The following RFT1 variants were observed in gnomAD, a reference collection of about 807,000 sequenced individuals.
RFT1 encodes man(5)GlcNAc(2)-PP-dolichol translocation protein RFT1.
Under a neutral mutation model 62.2 loss-of-function variants are expected in RFT1, and 43 were observed. That is an observed-to-expected ratio of 0.69 (90% confidence interval 0.54 to 0.89). The LOEUF is 0.89. Among genes scored for constraint, RFT1 ranks in the 40% least tolerant of loss-of-function variants. The probability of loss-of-function intolerance (pLI) is 0.00; values close to 1 mark genes in which losing one functional copy is unlikely to be tolerated. For missense variants in RFT1, 605 were observed against 649.9 expected (o/e 0.93, Z 0.75); for synonymous variants, 262 against 264.6 (o/e 0.99, Z 0.10).
At chr3:53,078,959 G>T in the RFT1 span, among the ~76,000 whole-genome samples, 1 of 152,348 alleles carries the variant, frequency 6.6e-6, no homozygotes. Context: ...TGGAGAAAAG[G>T]CAAAGCTACC....
At chr3:53,092,665 ACAAGGC>A in intron 11 of RFT1, 47 bp from the exon 12 acceptor site, 1 of 762,708 alleles carries the variant, frequency 1.3e-6, no homozygotes, top group Non-Finnish European at 1.9e-6. Context: ...CTTGCCCTGG[ACAAGGC>A]TGCTCCCAAA....
rs567674354 is a variant in RFT1, at chr3:53,091,607, C to A, written c.*296G>T. ...CATGTAGCTCCAAAGGCCAATCATA[C>A]GCAAAAGGAATGAGTATATTAGTAA... On this transcript the variant is annotated 3_prime_UTR_variant, in exon 13 of 13. Coordinates refer to ENST00000296292, the MANE Select transcript of RFT1 (RefSeq NM_052859.4). 1.3e-5 allele frequency: 5 copies of A among 390,304 alleles called. No homozygotes were observed. The highest frequency in any genetic ancestry group is 2.4e-5 in the Non-Finnish European group (5 of 207,578). The allele number at this position is 390,304 out of a possible 1,614,324, so 24.2% of individuals were successfully genotyped here.
chr3:53,118,111 A>C (rs1265146132), intron 6 of RFT1, among the ~76,000 whole-genome samples: 1 of 152,148 alleles, frequency 6.6e-6, no homozygotes, highest in Non-Finnish European at 1.5e-5. Flanking sequence ...CAAGCTGGCC[A>C]CCACAGAGTT....
At chr3:53,069,755 G>A in the RFT1 span, among the ~76,000 whole-genome samples, 1 of 152,192 alleles carries the variant, frequency 6.6e-6, no homozygotes, top group South Asian at 2.1e-4. Flanking sequence ...TCCCCGTAGA[G>A]AGCCTGGCAG....
At chr3:53,100,980 C>T (rs556596011) in intron 10 of RFT1, among the ~76,000 whole-genome samples, 3 of 151,836 alleles carry the variant, frequency 2.0e-5, no homozygotes, top group African/African-American at 4.8e-5. Flanking sequence ...AAAAAAAACA[C>T]ATAACCACTG....
rs1701378586 is a variant in RFT1 at position 53,103,649 on chromosome 3, CA to C, written c.1102+303del. 1.4e-4 allele frequency: 57 copies of C among 399,176 alleles called. 2 individuals carry two copies. The highest frequency in any genetic ancestry group is 1.2e-3 in the South Asian group (56 of 46,496). The allele number at this position is 399,176 out of a possible 1,614,324, so 24.7% of individuals were successfully genotyped here. ...CCTTCCTCCCTCACCCCAGAGGGAGCACAGGGAAGCGCTTGGCAAAACACAT... is the reference window on the plus strand; with the variant it reads ...CCTTCCTCCCTCACCCCAGAGGGAGCCAGGGAAGCGCTTGGCAAAACACAT... On this transcript the variant is annotated intron_variant, in intron 10 of 12. Coordinates refer to ENST00000296292, the MANE Select transcript of RFT1 (RefSeq NM_052859.4).
intron 7 of RFT1, among the ~76,000 whole-genome samples, chr3:53,108,389 C>CTTT (rs60743696): frequency 8.3e-6 from 1 of 120,472 alleles, no homozygotes; most frequent in African/African-American, 3.0e-5. Context: ...GCTTTCATAT[C>CTTT]TTTTTTTTTT....
chr3:53,119,591 G>A (rs759375828), intron 6 of RFT1, among the ~76,000 whole-genome samples: 3 of 152,176 alleles, frequency 2.0e-5, no homozygotes, highest in African/African-American at 4.8e-5. Flanking sequence ...GAGACATTTT[G>A]GGGTGCTCCA....
intron 6 of RFT1, among the ~76,000 whole-genome samples, chr3:53,117,245 A>G (rs1392361595): frequency 1.3e-5 from 2 of 152,244 alleles, no homozygotes; most frequent in African/African-American, 2.4e-5. Context: ...CATGCAGTCA[A>G]TGGCAGTTAT....
intron 3 of RFT1, 96 bp from the exon 4 acceptor site, chr3:53,122,659 C>T: frequency 2.7e-6 from 2 of 738,218 alleles, no homozygotes; most frequent in Non-Finnish European, 1.9e-6. Context: ...AGTTATAATA[C>T]AAACAGCTAC....
chr3:53,074,561 C>CAAATCATAGCATT, the RFT1 span, among the ~76,000 whole-genome samples: 1 of 152,096 alleles, frequency 6.6e-6, no homozygotes, highest in Non-Finnish European at 1.5e-5. Context: ...TTGAGCAGCC[C>CAAATCATAGCATT]TCTCTCCTAC....
chr3:53,074,037 G>A, the RFT1 span, among the ~76,000 whole-genome samples: 5 of 152,194 alleles, frequency 3.3e-5, no homozygotes, highest in Non-Finnish European at 7.4e-5. Flanking sequence ...GGCCCTGCGA[G>A]GGCCCAGGTG....
intron 10 of RFT1, among the ~76,000 whole-genome samples, chr3:53,101,474 G>A (rs1701311859): frequency 6.6e-6 from 1 of 152,226 alleles, no homozygotes; most frequent in Non-Finnish European, 1.5e-5. Context: ...GAGGCATGGA[G>A]AACACAAACT....
chr3:53,124,856 C>CA (rs776196753), intron 2 of RFT1, among the ~76,000 whole-genome samples: 107 of 152,188 alleles, frequency 7.0e-4, no homozygotes, highest in Admixed American at 1.2e-3. Flanking sequence ...CCTGTAGGCC[C>CA]AGCTGCTCAG....
chr3:53,099,529 A>G (rs763860963), intron 10 of RFT1, 43 bp from the exon 11 acceptor site: 37 of 1,485,790 alleles, frequency 2.5e-5, no homozygotes, highest in Non-Finnish European at 3.5e-5. Context: ...CCCAATCAGA[A>G]GGCCCACATG....
chr3:53,105,676 C>G lies in RFT1; in HGVS notation c.954G>C (p.Lys318Asn), dbSNP rs747402128. 6.2e-7 allele frequency: 1 copy of G among 1,613,474 alleles called. No homozygotes were observed. Among genetic ancestry groups the G allele is most frequent in the Non-Finnish European group, 8.5e-7 (1 of 1,179,660 alleles). ...ATGACATAAGAACCAACATTACCTG[C>G]TTCTGAAGTGTGGCATCCTTTCCCC... ...LERGKDATLQ[K>N]QEDVAVAAAV... Residue 318 changes from lysine (K) to asparagine (N), a missense_variant, in exon 9 of 13, where the codon AAG becomes AAC. Coordinates refer to ENST00000296292, the MANE Select transcript of RFT1 (RefSeq NM_052859.4).
downstream of RFT1, among the ~76,000 whole-genome samples, chr3:53,086,184 G>A (rs538181270): frequency 2.6e-5 from 4 of 152,222 alleles, no homozygotes; most frequent in South Asian, 2.1e-4. Flanking sequence ...ATAATTTTTC[G>A]TCTGCATCTG....
intron 1 of RFT1, among the ~76,000 whole-genome samples, chr3:53,127,951 C>T (rs952282801): frequency 1.3e-5 from 2 of 151,788 alleles, no homozygotes; most frequent in South Asian, 2.1e-4. Context: ...CAGTGTAATT[C>T]GAGAAAGCAT....
chr3:53,092,320 A>G, intron 12 of RFT1, 49 bp downstream of exon 12: 1 of 1,574,248 alleles, frequency 6.4e-7, no homozygotes, highest in Non-Finnish European at 8.6e-7. Context: ...CGGGAGAGAC[A>G]GCGGGGCAGC....
Sources: gnomAD v4.1 joint callset for allele counts (sites outside exome capture counted in the v4.1 genomes callset) on GRCh38, gnomAD v4.1.1 for gene constraint, MANE v1.5 for transcripts, NCBI Gene and HGNC (gene_info 2026-07-23, HGNC 2026-07-21) for gene names.